EPB41: variants seen among roughly 807,000 people sequenced by gnomAD.
EPB41 encodes the protein protein 4.1.
Under a neutral mutation model 108.0 loss-of-function variants are expected in EPB41, and 65 were observed. The ratio of observed to expected loss-of-function variants is 0.60; its 90% CI spans 0.49 to 0.74. The LOEUF (loss-of-function observed/expected upper bound fraction) is 0.74. Ranked by LOEUF, EPB41 falls within the 30% of genes least tolerant of loss-of-function variation. The pLI is 0.00. For missense variants in EPB41, 875 were observed against 1,037.0 expected (o/e 0.84, Z 2.15); for synonymous variants, 336 against 358.9 (o/e 0.94, Z 0.72).
At chr1:29,102,320 G>A (rs761393624) in intron 17 of EPB41, among the ~76,000 whole-genome samples, 6 of 152,136 alleles carry the variant, frequency 3.9e-5, no homozygotes, top group East Asian at 1.9e-4. Flanking sequence ...CAAGCATGGT[G>A]CACTATGGTG....
rs190057732 is a variant in EPB41 at position 29,087,187 on chromosome 1, C to T, written c.2185-10620C>T. ...CCATCTCCTGACCTTGTGATCCGCC[C>T]GCCTTGGCCTCCCAAAGTGCTGGGA... On this transcript the variant is annotated intron_variant, in intron 16 of 20. Transcript: ENST00000343067. 3.5e-3 allele frequency among the ~76,000 whole-genome samples: 532 copies of T among 152,108 alleles called. 4 individuals carry two copies. The highest frequency in any genetic ancestry group is 0.012 in the African/African-American group (503 of 41,484).
At position 28,978,668 on chromosome 1, in the gene EPB41, G is replaced by A. The variant is rs749910278; in HGVS notation, c.-7-8763G>A. Among the ~76,000 whole-genome samples, 106 of 151,416 alleles carry A rather than the reference G, an allele frequency of 7.0e-4. 1 individual carries two copies. The highest frequency in any genetic ancestry group is 9.1e-4 in the Non-Finnish European group (62 of 67,986). ...TAAGTCTTGTGGATTAGGTGGGGAA[G>A]ATCTGCCCTCATTTTTGGTGGGTAT... is the stretch of plus-strand genomic sequence containing the variant. On this transcript the variant is annotated intron_variant, in intron 1 of 20. Transcript: ENST00000343067.
At chr1:28,968,799 T>C (rs551191099) in intron 1 of EPB41, among the ~76,000 whole-genome samples, 1 of 152,100 alleles carries the variant, frequency 6.6e-6, no homozygotes, top group East Asian at 1.9e-4. Flanking sequence ...CCCCCGTCTC[T>C]ACTAAAAATA....
intron 11 of EPB41, among the ~76,000 whole-genome samples, chr1:29,045,670 A>G (rs1642948060): frequency 6.6e-6 from 1 of 151,204 alleles, no homozygotes; most frequent in Non-Finnish European, 1.5e-5. Flanking sequence ...TTGCTATCTT[A>G]AATGGTATCT....
chr1:29,103,689 A>G (rs1037878858), intron 17 of EPB41, among the ~76,000 whole-genome samples: 3 of 151,968 alleles, frequency 2.0e-5, no homozygotes, highest in African/African-American at 7.3e-5. Context: ...TATTTTTGAG[A>G]TGGAGTCTCA....
intron 16 of EPB41, among the ~76,000 whole-genome samples, chr1:29,088,058 T>G (rs2151367015): frequency 6.7e-6 from 1 of 149,244 alleles, no homozygotes; most frequent in South Asian, 2.1e-4. Flanking sequence ...TTTTTCTTTT[T>G]TTTTTGAGAT....
At chr1:28,929,413 G>A (rs868387326) in intron 1 of EPB41, among the ~76,000 whole-genome samples, 1 of 151,036 alleles carries the variant, frequency 6.6e-6, no homozygotes, top group Non-Finnish European at 1.5e-5. Context: ...TTTTTTTTTA[G>A]TAGAGACGGG....
intron 7 of EPB41, among the ~76,000 whole-genome samples, chr1:29,021,895 T>C (rs1282856145): frequency 6.6e-6 from 1 of 152,198 alleles, no homozygotes; most frequent in Non-Finnish European, 1.5e-5. Context: ...ATCTTTTCTA[T>C]AAAACACCAT....
At chr1:28,959,352 G>C (rs564045450) in intron 1 of EPB41, among the ~76,000 whole-genome samples, 9 of 151,962 alleles carry the variant, frequency 5.9e-5, no homozygotes, top group Non-Finnish European at 8.8e-5. Flanking sequence ...AAGTAGCTGG[G>C]ATTACGGGCC....
intron 11 of EPB41, among the ~76,000 whole-genome samples, chr1:29,043,324 G>T (rs1228749799): frequency 6.6e-6 from 1 of 152,154 alleles, no homozygotes; most frequent in African/African-American, 2.4e-5. Context: ...CTCAAAATCT[G>T]GGGAAAGAGC....
chr1:29,038,806 T>A (rs1640442800), intron 10 of EPB41, among the ~76,000 whole-genome samples: 1 of 152,184 alleles, frequency 6.6e-6, no homozygotes, highest in South Asian at 2.1e-4. Flanking sequence ...TTACCAGGCA[T>A]TAATTGAGTT....
chr1:28,969,336 T>C (rs7512473), intron 1 of EPB41, among the ~76,000 whole-genome samples: 40 of 152,092 alleles, frequency 2.6e-4, no homozygotes, highest in African/African-American at 8.4e-4. Flanking sequence ...CCACCTGCCT[T>C]GGCCTCCCAA....
intron 12 of EPB41, among the ~76,000 whole-genome samples, chr1:29,056,588 C>T (rs1386213109): frequency 2.0e-5 from 3 of 152,022 alleles, no homozygotes; most frequent in Admixed American, 6.5e-5. Context: ...TGCAATGGTG[C>T]GATCTCAGCT....
rs2096606529 is a variant in EPB41 at position 29,018,618 on chromosome 1, C to T, written c.1124+176C>T. 6.6e-6 allele frequency among the ~76,000 whole-genome samples: 1 copy of T among 152,158 alleles called. No homozygotes were observed. The highest frequency in any genetic ancestry group is 1.5e-5 in the Non-Finnish European group (1 of 68,038). On this transcript the variant is annotated intron_variant, in intron 7 of 20. Coordinates refer to ENST00000343067, the MANE Select transcript of EPB41 (RefSeq NM_001376013.1). This position sits in a 1 kb window ranked among gnomAD's most constrained non-coding sequence, Gnocchi z 4.4. ...CCTCTCTTAATCTAAGCTTTCTCATCAGAGTAATAGGCATTGCATTGTAGG... is the reference window on the plus strand; with the variant it reads ...CCTCTCTTAATCTAAGCTTTCTCATTAGAGTAATAGGCATTGCATTGTAGG...
upstream of EPB41, among the ~76,000 whole-genome samples, chr1:28,914,309 G>C (rs2148033780): frequency 6.6e-6 from 1 of 152,336 alleles, no homozygotes; most frequent in East Asian, 1.9e-4. Flanking sequence ...GGTTCGACTT[G>C]CGCGTGCGCA....
At chr1:29,084,409 G>C (rs1196669072) in intron 16 of EPB41, among the ~76,000 whole-genome samples, 1 of 152,142 alleles carries the variant, frequency 6.6e-6, no homozygotes, top group Non-Finnish European at 1.5e-5. Context: ...TACTTACAAG[G>C]CCAGCCTTAA....
chr1:28,993,248 A>G, intron 2 of EPB41, 82 bp from the exon 3 acceptor site: 1 of 1,104,118 alleles, frequency 9.1e-7, no homozygotes, highest in Non-Finnish European at 1.4e-6. Flanking sequence ...TTTTATTGGT[A>G]AGATTATTAT....
chr1:29,114,028 G>C (rs558956), intron 19 of EPB41, among the ~76,000 whole-genome samples: 20,123 of 152,082 alleles, frequency 0.13, 1,976 homozygotes, highest in African/African-American at 0.28. Context: ...CACAGAGGTG[G>C]TAGTTCTAAG....
chr1:29,033,826 T>C (rs1638358821), intron 9 of EPB41, among the ~76,000 whole-genome samples: 1 of 152,180 alleles, frequency 6.6e-6, no homozygotes, highest in Non-Finnish European at 1.5e-5. Flanking sequence ...ATTGTTTAAG[T>C]AGGAATTAAA....
Sources: gnomAD v4.1 joint callset for allele counts (sites outside exome capture counted in the v4.1 genomes callset) on GRCh38, gnomAD v4.1.1 for gene constraint, Gnocchi (gnomAD v3.1) non-coding constraint, MANE v1.5 for transcripts, NCBI Gene and HGNC (gene_info 2026-07-23, HGNC 2026-07-21) for gene names.